The following GPC5 variants were observed in gnomAD, a reference collection of about 807,000 sequenced individuals.
GPC5 encodes glypican 5.
In GPC5, 47 loss-of-function variants were observed where a neutral mutation model predicts 53.9. That is an observed-to-expected ratio of 0.87 (90% CI 0.69 to 1.11). The LOEUF (loss-of-function observed/expected upper bound fraction) is 1.11, where lower values mean the gene tolerates loss of function less well. GPC5 is among the 50% of genes most tolerant of loss of function. The pLI, the probability that GPC5 is intolerant of heterozygous loss-of-function variation, is 0.00. For missense variants in GPC5, 748 were observed against 713.1 expected, an observed-to-expected ratio of 1.05 and a Z score of -0.56; for synonymous variants, 286 against 263.3, an observed-to-expected ratio of 1.09 and a Z score of -0.84.
At chr13:92,012,063 G>T (rs1191842556) in intron 6 of GPC5, among the ~76,000 whole-genome samples, 1 of 152,164 alleles carries the variant, frequency 6.6e-6, no homozygotes, top group Non-Finnish European at 1.5e-5. Flanking sequence ...AGAACTTCTA[G>T]AAAATAATAA....
intron 5 of GPC5, among the ~76,000 whole-genome samples, chr13:91,858,655 G>C (rs554224887): frequency 6.6e-6 from 1 of 151,966 alleles, no homozygotes; most frequent in Admixed American, 6.6e-5. Context: ...TGGTATCAGA[G>C]TAATAATGGC....
At chr13:92,443,226 G>A (rs1158621303) in intron 7 of GPC5, among the ~76,000 whole-genome samples, 1 of 152,178 alleles carries the variant, frequency 6.6e-6, no homozygotes, top group South Asian at 2.1e-4. Context: ...CATAGAGTGA[G>A]AAAATACTCA....
intron 6 of GPC5, among the ~76,000 whole-genome samples, chr13:92,009,055 T>G (rs2040636413): frequency 6.6e-6 from 1 of 152,168 alleles, no homozygotes; most frequent in South Asian, 2.1e-4. Context: ...GCCTAATTAT[T>G]TTATGTTTTC....
At chr13:92,852,955 A>C (rs563911716) in intron 7 of GPC5, among the ~76,000 whole-genome samples, 21 of 152,166 alleles carry the variant, frequency 1.4e-4, no homozygotes, top group Non-Finnish European at 2.6e-4. Context: ...GTTCCCTAAC[A>C]AGCACCTAAG....
In GPC5 at chr13:91,643,667, T is replaced by C. The variant is rs73607973; in HGVS notation, c.326-49520T>C. ...GGAAGTCCAAGACCGATCTGCTTCA[T>C]GCTTCTTATCTAGCTTCTTGCAGCT... On this transcript the variant is annotated intron_variant, in intron 2 of 7. Transcript: ENST00000377067. Among the ~76,000 whole-genome samples the C allele has an allele frequency of 2.4e-3, 367 of 152,364 alleles. 3 individuals carry two copies. Among genetic ancestry groups the C allele is most frequent in the African/African-American group, 8.5e-3 (354 of 41,588 alleles).
chr13:92,822,578 G>T (rs912773938), intron 7 of GPC5, among the ~76,000 whole-genome samples: 14 of 152,118 alleles, frequency 9.2e-5, no homozygotes, highest in African/African-American at 3.4e-4. Context: ...ACTGAAGTTA[G>T]CTGCAACCCC....
intron 7 of GPC5, among the ~76,000 whole-genome samples, chr13:92,222,825 T>G (rs200926670): frequency 5.3e-5 from 8 of 152,204 alleles, no homozygotes; most frequent in African/African-American, 1.9e-4. Context: ...ATTTCTCAAA[T>G]ATAACATTTA....
chr13:91,576,455 A>G (rs9589299), intron 2 of GPC5, among the ~76,000 whole-genome samples: 51,755 of 151,914 alleles, frequency 0.34, 9,204 homozygotes, highest in African/African-American at 0.46. Flanking sequence ...AAACACAACT[A>G]AAACAACTTA....
intron 7 of GPC5, among the ~76,000 whole-genome samples, chr13:92,421,044 G>A (rs2209837): frequency 0.29 from 43,718 of 152,074 alleles, 7,287 homozygotes; most frequent in East Asian, 0.6. Flanking sequence ...AGGTATAAAC[G>A]AGACATGGCT....
At chr13:91,885,029 G>A (rs2039307598) in intron 5 of GPC5, among the ~76,000 whole-genome samples, 1 of 151,854 alleles carries the variant, frequency 6.6e-6, no homozygotes. Flanking sequence ...TACTATTGTG[G>A]TAAATAATCA....
rs571421908 is a variant in GPC5 at position 92,449,722 on chromosome 13, C to A, written c.1561+304733C>A. Reference sequence around the variant, plus strand: ...ACTGAAAATCAAGAATAGTAACTACCTAAATGATGGAATTCTGACTTGAGT... The same window carrying A: ...ACTGAAAATCAAGAATAGTAACTACATAAATGATGGAATTCTGACTTGAGT... On this transcript the variant is annotated intron_variant, in intron 7 of 7. Transcript: ENST00000377067. Among the ~76,000 whole-genome samples, 3 of 152,068 alleles carry A rather than the reference C, an allele frequency of 2.0e-5. No individual in the cohort carries two copies. The East Asian group carries it at 5.8e-4, about 29-fold the overall frequency.
At chr13:91,535,706 A>G (rs1460606546) in intron 2 of GPC5, among the ~76,000 whole-genome samples, 1 of 152,154 alleles carries the variant, frequency 6.6e-6, no homozygotes, top group Admixed American at 6.5e-5. Context: ...TGTCTCACCT[A>G]TTAGGGAAAT....
At chr13:92,569,479 G>A (rs1882958405) in intron 7 of GPC5, among the ~76,000 whole-genome samples, 1 of 152,016 alleles carries the variant, frequency 6.6e-6, no homozygotes, top group South Asian at 2.1e-4. Flanking sequence ...ACATAAAATG[G>A]TTCTTGAAAT....
chr13:91,433,567 A>G (rs536239412), intron 1 of GPC5, among the ~76,000 whole-genome samples: 73 of 152,286 alleles, frequency 4.8e-4, no homozygotes, highest in Non-Finnish European at 7.2e-4. Context: ...TTCATGGTGT[A>G]TATGTGCCAC....
chr13:91,731,029 T>C (rs1594492357), intron 4 of GPC5, among the ~76,000 whole-genome samples: 1 of 152,342 alleles, frequency 6.6e-6, no homozygotes. Flanking sequence ...TCCCACAGGA[T>C]ATCTAGACAA....
At chr13:91,725,681 G>T (rs1309148131) in intron 3 of GPC5, among the ~76,000 whole-genome samples, 1 of 152,110 alleles carries the variant, frequency 6.6e-6, no homozygotes, top group African/African-American at 2.4e-5. Flanking sequence ...GGGGATAAAG[G>T]TGTTGCAAGG....
intron 5 of GPC5, among the ~76,000 whole-genome samples, chr13:91,842,936 A>G (rs527497474): frequency 6.6e-6 from 1 of 152,150 alleles, no homozygotes; most frequent in Non-Finnish European, 1.5e-5. Context: ...TAGTTTAACA[A>G]TATGAATTGT....
intron 7 of GPC5, among the ~76,000 whole-genome samples, chr13:92,768,230 G>T (rs1267917008): frequency 6.6e-6 from 1 of 152,144 alleles, no homozygotes; most frequent in East Asian, 1.9e-4. Flanking sequence ...AAAATGCATT[G>T]TAAGTTTTGT....
At chr13:92,411,454 A>G (rs1338202491) in intron 7 of GPC5, among the ~76,000 whole-genome samples, 1 of 152,146 alleles carries the variant, frequency 6.6e-6, no homozygotes, top group Admixed American at 6.6e-5. Context: ...GAATTGTTCC[A>G]TGTAAATATT....
Sources: gnomAD v4.1 joint callset for allele counts (sites outside exome capture counted in the v4.1 genomes callset) on GRCh38, gnomAD v4.1.1 for gene constraint, MANE v1.5 for transcripts, NCBI Gene and HGNC (gene_info 2026-07-23, HGNC 2026-07-21) for gene names.